Variants in DCLK1 observed in about 807,000 individuals in gnomAD.
DCLK1 encodes serine/threonine-protein kinase DCLK1.
Under a neutral mutation model 86.2 loss-of-function variants are expected in DCLK1, and 16 were observed. The ratio of observed to expected loss-of-function variants is 0.19; its 90% confidence interval spans 0.13 to 0.28. The LOEUF is 0.28. Among genes scored for constraint, DCLK1 ranks in the 10% least tolerant of loss-of-function variants. The pLI is 1.00. For missense variants in DCLK1, 590 were observed against 940.2 expected, an observed-to-expected ratio of 0.63 and a Z score of 4.87; for synonymous variants, 369 against 370.5, an observed-to-expected ratio of 1.00 and a Z score of 0.05.
chr13:35,944,649 C>T (rs930969871), intron 4 of DCLK1, among the ~76,000 whole-genome samples: 2 of 152,062 alleles, frequency 1.3e-5, no homozygotes, highest in Admixed American at 1.3e-4. Context: ...CCTTCCATAT[C>T]CATGTGTTTC....
intron 6 of DCLK1, among the ~76,000 whole-genome samples, chr13:35,839,691 A>G (rs950576517): frequency 3.9e-5 from 6 of 152,226 alleles, no homozygotes. Flanking sequence ...TGTCATTTCC[A>G]TCTTGAGATC....
chr13:35,959,731 C>A (rs553639658), intron 3 of DCLK1, among the ~76,000 whole-genome samples: 1 of 152,238 alleles, frequency 6.6e-6, no homozygotes, highest in East Asian at 1.9e-4. Context: ...TTTCTATGAT[C>A]TCAGGGGAGA....
At chr13:35,846,371 T>G in intron 6 of DCLK1, 1 of 985,394 alleles carries the variant, frequency 1.0e-6, no homozygotes, top group Non-Finnish European at 1.2e-6. Flanking sequence ...CATACTTCTT[T>G]GCCTATAACT....
At chr13:36,081,135 T>C (rs1884406724) in intron 3 of DCLK1, among the ~76,000 whole-genome samples, 1 of 152,100 alleles carries the variant, frequency 6.6e-6, no homozygotes, top group Non-Finnish European at 1.5e-5. Context: ...AAATTCAGCA[T>C]AACATTAATT....
chr13:35,975,383 C>T (rs776607287), intron 3 of DCLK1, among the ~76,000 whole-genome samples: 2 of 152,192 alleles, frequency 1.3e-5, no homozygotes, highest in African/African-American at 4.8e-5. Flanking sequence ...TAGCTGGTCA[C>T]GGTGCCAACC....
chr13:36,016,123 T>A (rs779829568), intron 3 of DCLK1, among the ~76,000 whole-genome samples: 11 of 152,174 alleles, frequency 7.2e-5, no homozygotes, highest in Non-Finnish European at 1.5e-4. Flanking sequence ...GCAGTAAAAT[T>A]CACATTTCGT....
chr13:35,844,030 A>G (rs74398926), intron 6 of DCLK1, among the ~76,000 whole-genome samples: 3,595 of 152,292 alleles, frequency 0.024, 152 homozygotes, highest in African/African-American at 0.08. Flanking sequence ...CCAACTGGGT[A>G]TAGAACAATA....
Position 35,996,230 on chromosome 13 carries a change from AC to A in DCLK1, c.724-48774del, listed in dbSNP as rs562369356. On this transcript the variant is annotated intron_variant, in intron 3 of 16. Coordinates refer to ENST00000360631, the MANE Select transcript of DCLK1 (RefSeq NM_001330071.2). ...AGGCGTAAGCCACTGCACCCTGCCA[AC>A]CTATTTTAGTTGTAAATAAAATCAT... 3.5e-3 allele frequency among the ~76,000 whole-genome samples: 532 copies of A among 152,296 alleles called. 5 individuals are homozygous for A. Among genetic ancestry groups the A allele is most frequent in the African/African-American group, 0.01 (435 of 41,556 alleles).
intron 4 of DCLK1, among the ~76,000 whole-genome samples, chr13:35,903,474 T>G (rs1874498682): frequency 6.6e-6 from 1 of 152,222 alleles, no homozygotes; most frequent in Non-Finnish European, 1.5e-5. Context: ...CCTATTTCAT[T>G]GCCATCTACT....
chr13:36,060,032 C>T (rs924589383), intron 3 of DCLK1, among the ~76,000 whole-genome samples: 41 of 151,998 alleles, frequency 2.7e-4, no homozygotes, highest in African/African-American at 9.9e-4. Flanking sequence ...CCACCAAGCC[C>T]GGCTAATTTT....
intron 16 of DCLK1, among the ~76,000 whole-genome samples, chr13:35,791,120 T>C (rs1253916540): frequency 6.6e-6 from 1 of 152,182 alleles, no homozygotes; most frequent in Non-Finnish European, 1.5e-5. Flanking sequence ...CTTAAAACAA[T>C]CTCTGAAATC....
At chr13:35,817,562 G>T (rs1361228074) in intron 11 of DCLK1, among the ~76,000 whole-genome samples, 1 of 152,060 alleles carries the variant, frequency 6.6e-6, no homozygotes, top group Non-Finnish European at 1.5e-5. Context: ...GTTCCATGCT[G>T]TCATATACAG....
intron 3 of DCLK1, among the ~76,000 whole-genome samples, chr13:35,953,929 C>T (rs753015742): frequency 2.0e-4 from 31 of 152,110 alleles, no homozygotes; most frequent in Non-Finnish European, 3.2e-4. Context: ...CAGGTGTTTT[C>T]CATTGTATCA....
At chr13:35,785,782 T>G (rs2153098471) in intron 16 of DCLK1, among the ~76,000 whole-genome samples, 1 of 152,298 alleles carries the variant, frequency 6.6e-6, no homozygotes, top group South Asian at 2.1e-4. Context: ...CTGTAATGAT[T>G]GTTTGTGTTA....
chr13:35,810,739 A>G, intron 12 of DCLK1, 96 bp downstream of exon 12: 1 of 1,399,040 alleles, frequency 7.1e-7, no homozygotes, highest in Non-Finnish European at 9.6e-7. Flanking sequence ...ATAGCTAATT[A>G]TGTCTGGATA....
At chr13:35,930,052 C>T (rs1476737103) in intron 4 of DCLK1, among the ~76,000 whole-genome samples, 1 of 151,948 alleles carries the variant, frequency 6.6e-6, no homozygotes, top group Non-Finnish European at 1.5e-5. Context: ...AAATTATTAC[C>T]CAATTTTGAA....
chr13:35,934,377 G>A (rs962281041), intron 4 of DCLK1, among the ~76,000 whole-genome samples: 4 of 152,126 alleles, frequency 2.6e-5, no homozygotes, highest in Non-Finnish European at 4.4e-5. Flanking sequence ...AGATATACCC[G>A]AGACTGGGCA....
intron 3 of DCLK1, among the ~76,000 whole-genome samples, chr13:36,080,984 GC>G (rs1884401303): frequency 6.6e-6 from 1 of 152,158 alleles, no homozygotes; most frequent in South Asian, 2.1e-4. Context: ...CACAGGACAG[GC>G]CCCAACAGTA....
intron 3 of DCLK1, among the ~76,000 whole-genome samples, chr13:35,989,987 G>C (rs762359136): frequency 8.5e-5 from 13 of 152,132 alleles, no homozygotes; most frequent in Non-Finnish European, 1.5e-4. Context: ...TTTAAAGAAA[G>C]CACAGCTGCT....
Sources: gnomAD v4.1 joint callset for allele counts (sites outside exome capture counted in the v4.1 genomes callset) on GRCh38, gnomAD v4.1.1 for gene constraint, MANE v1.5 for transcripts, NCBI Gene and HGNC (gene_info 2026-07-23, HGNC 2026-07-21) for gene names.